Variants in IL1RAPL2 observed in about 807,000 individuals in gnomAD.
The protein encoded by IL1RAPL2 is X-linked interleukin-1 receptor accessory protein-like 2.
In IL1RAPL2, 3 loss-of-function variants were observed where a neutral mutation model predicts 44.1. The ratio of observed to expected loss-of-function variants is 0.07; its 90% CI spans 0.03 to 0.18. The LOEUF (loss-of-function observed/expected upper bound fraction) is 0.18. IL1RAPL2 is among the 10% of genes least tolerant of loss of function. The probability of loss-of-function intolerance (pLI) is 1.00; values close to 1 mark genes in which losing one functional copy is unlikely to be tolerated. For missense variants in IL1RAPL2, 391 were observed against 496.4 expected, an observed-to-expected ratio of 0.79 and a Z score of 2.02; for synonymous variants, 181 against 178.8, an observed-to-expected ratio of 1.01 and a Z score of -0.10.
At chrX:104,876,999 G>A (rs185628647) in intron 2 of IL1RAPL2, among the ~76,000 whole-genome samples, 11 of 110,051 alleles carry the variant, frequency 1.0e-4, no homozygotes, top group Admixed American at 5.9e-4. Flanking sequence ...TTGTTCTTGC[G>A]ATAGTTTGCT....
At chrX:104,997,898 G>T (rs73533344) in intron 2 of IL1RAPL2, among the ~76,000 whole-genome samples, 5,928 of 110,974 alleles carry the variant, frequency 0.053, 412 homozygotes, top group African/African-American at 0.19. Context: ...TATCCAAGTT[G>T]ATGAGTCAAG....
chrX:104,937,587 G>A (rs1480095994), intron 2 of IL1RAPL2, among the ~76,000 whole-genome samples: 2 of 112,328 alleles, frequency 1.8e-5, no homozygotes, highest in East Asian at 5.6e-4. Flanking sequence ...TATCTGACTA[G>A]GCAACTGCCT....
chrX:105,092,425 CCTCTCTCTGTGGAGT>C (rs1368273111), intron 2 of IL1RAPL2, among the ~76,000 whole-genome samples: 1 of 111,538 alleles, frequency 9.0e-6, no homozygotes, highest in Non-Finnish European at 1.9e-5. Flanking sequence ...CTTCCATTTT[CCTCTCTCTGTGGAGT>C]CAGGACATGT....
At chrX:104,954,715 G>T (rs1030919441) in intron 2 of IL1RAPL2, among the ~76,000 whole-genome samples, 8 of 111,641 alleles carry the variant, frequency 7.2e-5, no homozygotes, top group Non-Finnish European at 1.5e-4. Flanking sequence ...TTCAGGTTTG[G>T]TGACTGCTAG....
intron 5 of IL1RAPL2, among the ~76,000 whole-genome samples, chrX:105,364,208 A>G (rs1462999658): frequency 9.0e-6 from 1 of 111,656 alleles, no homozygotes; most frequent in Admixed American, 9.6e-5. Flanking sequence ...CTTGGCACCT[A>G]TATCAAAAAT....
Position 104,566,690 on chromosome X carries a change from CAG to C in IL1RAPL2, c.-378_-377del, listed in dbSNP as rs1043928578. The C allele has an allele frequency of 8.0e-5, 9 of 113,166 alleles. No individual in the cohort carries two copies. Among genetic ancestry groups the C allele is most frequent in the African/African-American group, 2.9e-4 (9 of 31,204 alleles). 9.3% of individuals were successfully genotyped at this position (113,166 alleles called of 1,213,427 possible). ...TTAGGAGAGTCTAGTCACTGAGAGACAGAGGCAGCATCTGCCATTCTAACTAC... is the reference window on the plus strand; with the variant it reads ...TTAGGAGAGTCTAGTCACTGAGAGACAGGCAGCATCTGCCATTCTAACTAC... On this transcript the variant is annotated 5_prime_UTR_variant, in exon 1 of 11. Coordinates refer to ENST00000372582, the MANE Select transcript of IL1RAPL2 (RefSeq NM_017416.2).
chrX:105,628,077 T>C (rs1387252574), intron 6 of IL1RAPL2, among the ~76,000 whole-genome samples: 1 of 111,822 alleles, frequency 8.9e-6, no homozygotes, highest in Non-Finnish European at 1.9e-5. Context: ...AGGTGCTAAG[T>C]GTGCCTTTTG....
intron 2 of IL1RAPL2, among the ~76,000 whole-genome samples, chrX:105,089,761 G>A (rs776418448): frequency 9.0e-6 from 1 of 111,693 alleles, no homozygotes; most frequent in South Asian, 3.8e-4. Context: ...CACTTTTACA[G>A]ATGATAAAAT....
intron 4 of IL1RAPL2, among the ~76,000 whole-genome samples, chrX:105,257,858 C>T (rs367666449): frequency 9.0e-6 from 1 of 111,710 alleles, no homozygotes; most frequent in Non-Finnish European, 1.9e-5. Context: ...AGACAGCATA[C>T]AATTGGGTCT....
chrX:105,686,517 C>T (rs1480317525), intron 6 of IL1RAPL2, among the ~76,000 whole-genome samples: 1 of 110,183 alleles, frequency 9.1e-6, no homozygotes, highest in South Asian at 3.9e-4. Context: ...ACAAGAAGAG[C>T]TAACTATCCT....
At position 104,626,305 on chromosome X, in the gene IL1RAPL2, TGTGTGTGC is replaced by T. The variant is rs1387606311; in HGVS notation, c.-19-32582_-19-32575del. Among the ~76,000 whole-genome samples, 117 of 106,681 alleles carry T rather than the reference TGTGTGTGC, an allele frequency of 1.1e-3. 2 individuals carry two copies. Among genetic ancestry groups the T allele is most frequent in the African/African-American group, 3.0e-3 (86 of 28,730 alleles). 92.6% of individuals were successfully genotyped at this position (106,681 alleles called of 115,157 possible). ...GGGTTGTGACTGTCTCATGCGTGTG[TGTGTGTGC>T]GTGTGTGTGTGTGTGTGTTTGTGCG... On this transcript the variant is annotated intron_variant, in intron 1 of 10. Coordinates refer to ENST00000372582, the MANE Select transcript of IL1RAPL2 (RefSeq NM_017416.2).
intron 6 of IL1RAPL2, among the ~76,000 whole-genome samples, chrX:105,710,540 C>A (rs908568479): frequency 1.8e-5 from 2 of 109,725 alleles, no homozygotes; most frequent in Non-Finnish European, 3.8e-5. Flanking sequence ...GTGACTGTTT[C>A]ATTTAATTTA....
intron 2 of IL1RAPL2, among the ~76,000 whole-genome samples, chrX:104,973,441 C>T (rs1288633078): frequency 9.0e-6 from 1 of 111,274 alleles, no homozygotes; most frequent in Non-Finnish European, 1.9e-5. Flanking sequence ...CTCCCACAGG[C>T]CTCTAAAACA....
At chrX:105,354,445 T>C (rs1384599068) in intron 5 of IL1RAPL2, among the ~76,000 whole-genome samples, 1 of 91,186 alleles carries the variant, frequency 1.1e-5, no homozygotes, top group African/African-American at 4.4e-5. Context: ...AGGTGGGAAT[T>C]GAACAGTGAG....
chrX:104,989,802 G>C (rs983251821), intron 2 of IL1RAPL2, among the ~76,000 whole-genome samples: 60 of 111,409 alleles, frequency 5.4e-4, no homozygotes, highest in African/African-American at 1.8e-3. Flanking sequence ...AACTCATTTT[G>C]TCATGACTCT....
At chrX:105,219,060 C>T in intron 3 of IL1RAPL2, 2 of 1,210,857 alleles carry the variant, frequency 1.7e-6, no homozygotes, top group South Asian at 3.5e-5. Flanking sequence ...AGTCCCAGTC[C>T]CCTGGCCTGC....
In IL1RAPL2 at chrX:105,291,041, C is replaced by T. The variant is rs1191752816; in HGVS notation, c.697+23500C>T. Among the ~76,000 whole-genome samples the T allele has an allele frequency of 2.7e-5, 3 of 111,512 alleles. No homozygotes were observed. The East Asian group carries it at 8.6e-4, about 32-fold the overall frequency. On this transcript the variant is annotated intron_variant, in intron 5 of 10. Coordinates refer to ENST00000372582, the MANE Select transcript of IL1RAPL2 (RefSeq NM_017416.2). The stretch of plus-strand genomic sequence containing the variant: ...CATTTCTGCCTATTTAAAGCCTCCT[C>T]TAGGCTTGATCAAAATCAAAACCAT...
intron 2 of IL1RAPL2, among the ~76,000 whole-genome samples, chrX:105,108,901 A>G (rs767881504): frequency 5.4e-5 from 6 of 111,801 alleles, no homozygotes; most frequent in African/African-American, 2.0e-4. Flanking sequence ...AATAATTACT[A>G]TGCTCTATAA....
chrX:105,761,427 TA>T (rs1457874657), intron 10 of IL1RAPL2, among the ~76,000 whole-genome samples: 36 of 111,303 alleles, frequency 3.2e-4, no homozygotes, highest in African/African-American at 1.0e-3. Flanking sequence ...AATCATTATA[TA>T]AAACTCAGAT....
Sources: allele counts gnomAD v4.1 joint callset (sites outside exome capture counted in the v4.1 genomes callset), GRCh38; gene constraint gnomAD v4.1.1; transcripts MANE v1.5; gene names NCBI Gene and HGNC (gene_info 2026-07-23, HGNC 2026-07-21).